The following CDK14 variants were observed in gnomAD, a reference collection of about 807,000 sequenced individuals.
CDK14 encodes the protein cyclin-dependent kinase 14.
A neutral mutation model predicts 60.7 loss-of-function variants in CDK14; 34 were observed. The ratio of observed to expected loss-of-function variants is 0.56; its 90% CI spans 0.43 to 0.75. The LOEUF (loss-of-function observed/expected upper bound fraction) is 0.75. Among genes scored for constraint, CDK14 ranks in the 30% least tolerant of loss-of-function variants. The pLI is 0.00. For missense variants in CDK14, 482 were observed against 564.1 expected (o/e 0.85, Z 1.47); for synonymous variants, 197 against 203.7 (o/e 0.97, Z 0.28).
Position 90,668,451 on chromosome 7 carries a change from T to C in CDK14, c.124-58116T>C, listed in dbSNP as rs150899726. On this transcript the variant is annotated intron_variant, in intron 2 of 14. Transcript: ENST00000380050. ...GATAAATGAGTTGCAAGTATTTCTC[T>C]TTGGGTTGTCTTTTCATTTTCTTAA... Among the ~76,000 whole-genome samples, 1,175 of 152,310 alleles carry C rather than the reference T, an allele frequency of 7.7e-3. 13 individuals are homozygous for C. The highest frequency in any genetic ancestry group is 0.027 in the African/African-American group (1,113 of 41,560).
chr7:90,647,726 C>G (rs780200982), intron 2 of CDK14, among the ~76,000 whole-genome samples: 1 of 152,144 alleles, frequency 6.6e-6, no homozygotes, highest in Non-Finnish European at 1.5e-5. Flanking sequence ...TGCAGTAGCT[C>G]ATGCCTGTAA....
intron 14 of CDK14, among the ~76,000 whole-genome samples, chr7:91,189,594 T>C (rs1212220318): frequency 6.6e-6 from 1 of 152,246 alleles, no homozygotes; most frequent in African/African-American, 2.4e-5. Context: ...GATATTCATA[T>C]GAGAATCCCA....
chr7:90,721,374 T>C (rs1802445055), intron 2 of CDK14, among the ~76,000 whole-genome samples: 1 of 152,214 alleles, frequency 6.6e-6, no homozygotes, highest in Admixed American at 6.5e-5. Context: ...TAGTAACTTT[T>C]CTCTTTTGAA....
intron 14 of CDK14, among the ~76,000 whole-genome samples, chr7:91,158,028 A>G: frequency 6.7e-6 from 1 of 149,876 alleles, no homozygotes; most frequent in Admixed American, 6.7e-5. Context: ...TTTTTTCTCA[A>G]TATCCATTTG....
chr7:90,778,899 CT>C, intron 4 of CDK14, among the ~76,000 whole-genome samples: 1 of 47,862 alleles, frequency 2.1e-5, no homozygotes, highest in African/African-American at 8.4e-5. Flanking sequence ...TTCCTTCCTT[CT>C]TTTCTCTCTC....
intron 14 of CDK14, among the ~76,000 whole-genome samples, chr7:91,200,600 C>T (rs148722741): frequency 1.9e-4 from 29 of 152,184 alleles, no homozygotes; most frequent in Admixed American, 4.6e-4. Context: ...AACAGTTACG[C>T]GCTTTAGTTA....
At chr7:90,608,489 G>T in intron 2 of CDK14, 1 of 885,290 alleles carries the variant, frequency 1.1e-6, no homozygotes, top group Non-Finnish European at 1.4e-6. Flanking sequence ...TAAATTAAAA[G>T]GTTAACTCAT....
chr7:91,159,969 A>AT (rs1801116409), intron 14 of CDK14, among the ~76,000 whole-genome samples: 1 of 152,138 alleles, frequency 6.6e-6, no homozygotes, highest in Non-Finnish European at 1.5e-5. Context: ...TTTTCAATGC[A>AT]TGAGTGTGAT....
intron 8 of CDK14, among the ~76,000 whole-genome samples, chr7:90,923,107 CT>C (rs1319576107): frequency 3.3e-3 from 432 of 129,352 alleles, no homozygotes; most frequent in Non-Finnish European, 4.7e-3. Flanking sequence ...CCCTAAACAT[CT>C]TTTTTTTTTT....
At chr7:90,846,484 A>G (rs922820000) in intron 5 of CDK14, among the ~76,000 whole-genome samples, 2 of 152,200 alleles carry the variant, frequency 1.3e-5, no homozygotes, top group African/African-American at 2.4e-5. Flanking sequence ...AAATGTTTGA[A>G]TGGAGACAGA....
chr7:90,645,712 G>A (rs957329687), intron 2 of CDK14, among the ~76,000 whole-genome samples: 1 of 152,066 alleles, frequency 6.6e-6, no homozygotes, highest in African/African-American at 2.4e-5. Flanking sequence ...TTTATTTATA[G>A]TTAGATGAAC....
intron 14 of CDK14, among the ~76,000 whole-genome samples, chr7:91,156,151 T>C (rs1380298811): frequency 6.6e-6 from 1 of 152,234 alleles, no homozygotes; most frequent in Non-Finnish European, 1.5e-5. Flanking sequence ...TCTCATTAAC[T>C]AGTTGCCCAC....
chr7:90,741,447 T>C (rs1803340382), intron 3 of CDK14, among the ~76,000 whole-genome samples: 1 of 152,184 alleles, frequency 6.6e-6, no homozygotes, highest in South Asian at 2.1e-4. Context: ...TTCTTTTTCA[T>C]TACACAGAAT....
intron 5 of CDK14, among the ~76,000 whole-genome samples, chr7:90,802,696 GACAT>G: frequency 6.6e-6 from 1 of 151,974 alleles, no homozygotes; most frequent in Non-Finnish European, 1.5e-5. Flanking sequence ...GGCTTCTTGG[GACAT>G]TATATCCATC....
intron 8 of CDK14, among the ~76,000 whole-genome samples, chr7:90,936,784 T>G (rs1793769016): frequency 6.6e-6 from 1 of 152,182 alleles, no homozygotes; most frequent in South Asian, 2.1e-4. Context: ...GGCATCTAAA[T>G]TAAAATATTT....
intron 7 of CDK14, among the ~76,000 whole-genome samples, chr7:90,902,183 T>C (rs1345089136): frequency 6.6e-6 from 1 of 152,088 alleles, no homozygotes; most frequent in Non-Finnish European, 1.5e-5. Context: ...AAAAGCAATC[T>C]ACAGATTCAA....
At chr7:90,768,934 A>G (rs985431565) in intron 4 of CDK14, among the ~76,000 whole-genome samples, 2 of 152,050 alleles carry the variant, frequency 1.3e-5, no homozygotes, top group Admixed American at 6.5e-5. Flanking sequence ...TCGATTTTTG[A>G]TAGTAATTTT....
chr7:91,130,331 T>C (rs982938042), intron 14 of CDK14, among the ~76,000 whole-genome samples: 3 of 152,176 alleles, frequency 2.0e-5, no homozygotes, highest in Non-Finnish European at 4.4e-5. Context: ...GTTTTCATGT[T>C]AACATGTAAT....
intron 12 of CDK14, among the ~76,000 whole-genome samples, chr7:91,112,102 G>GA (rs1184525953): frequency 6.6e-6 from 1 of 152,072 alleles, no homozygotes; most frequent in Non-Finnish European, 1.5e-5. Context: ...ATTCTTAGAG[G>GA]AAAAGAAACT....
Sources: allele counts gnomAD v4.1 joint callset (sites outside exome capture counted in the v4.1 genomes callset), GRCh38; gene constraint gnomAD v4.1.1; transcripts MANE v1.5; gene names NCBI Gene and HGNC (gene_info 2026-07-23, HGNC 2026-07-21).